The following CSTPP1 variants were observed in gnomAD, a reference collection of about 807,000 sequenced individuals.
CSTPP1 encodes centriolar satellite-associated tubulin polyglutamylase complex regulator 1.
At chr11:47,126,752 C>T in the CSTPP1 span, among the ~76,000 whole-genome samples, 7 of 151,894 alleles carry the variant, frequency 4.6e-5, no homozygotes, top group South Asian at 1.0e-3. Context: ...AGCAATATGG[C>T]GAAACCTTGT....
At chr11:47,000,839 G>C in the CSTPP1 span, among the ~76,000 whole-genome samples, 1 of 152,168 alleles carries the variant, frequency 6.6e-6, no homozygotes, top group Admixed American at 6.5e-5. Context: ...GCTAGGCACT[G>C]TTCTAAGCAT....
the CSTPP1 span, among the ~76,000 whole-genome samples, chr11:47,144,763 C>T: frequency 6.6e-6 from 1 of 152,108 alleles, no homozygotes; most frequent in Non-Finnish European, 1.5e-5. Flanking sequence ...GGAAGCTCTG[C>T]TCCAAGGGTG....
At chr11:47,057,873 C>T in the CSTPP1 span, among the ~76,000 whole-genome samples, 1 of 152,208 alleles carries the variant, frequency 6.6e-6, no homozygotes, top group Non-Finnish European at 1.5e-5. Context: ...CCTCAAAACA[C>T]ACCGGGCACT....
At chr11:46,988,874 TA>T in the CSTPP1 span, among the ~76,000 whole-genome samples, 1 of 152,196 alleles carries the variant, frequency 6.6e-6, no homozygotes, top group East Asian at 1.9e-4. Flanking sequence ...AATTAGAACT[TA>T]AAAAAATTTT....
chr11:47,161,067 A>AATC, the CSTPP1 span: 22 of 1,603,826 alleles, frequency 1.4e-5, no homozygotes, highest in Non-Finnish European at 1.5e-5. Flanking sequence ...GGCATGGAGG[A>AATC]ATCTGTTGCC....
the CSTPP1 span, among the ~76,000 whole-genome samples, chr11:47,077,400 T>C: frequency 1.3e-5 from 2 of 151,956 alleles, no homozygotes; most frequent in African/African-American, 2.4e-5. Flanking sequence ...GGGTTTCACC[T>C]TGTTGGTCGG....
At chr11:46,974,837 A>C in the CSTPP1 span, among the ~76,000 whole-genome samples, 9 of 150,544 alleles carry the variant, frequency 6.0e-5, no homozygotes, top group African/African-American at 2.2e-4. Flanking sequence ...TCTGGGTGAC[A>C]GAGTGAGACT....
chr11:47,137,181 T>TAC, the CSTPP1 span: 1 of 923,694 alleles, frequency 1.1e-6, no homozygotes, highest in Non-Finnish European at 1.5e-6. Flanking sequence ...CTCTTCTCCC[T>TAC]ACACAGCAAG....
chr11:47,133,755 G>A, the CSTPP1 span, among the ~76,000 whole-genome samples: 1 of 152,194 alleles, frequency 6.6e-6, no homozygotes, highest in South Asian at 2.1e-4. Flanking sequence ...TAAGATCAAG[G>A]TGCTGACAGT....
the CSTPP1 span, among the ~76,000 whole-genome samples, chr11:47,127,364 G>A: frequency 6.6e-6 from 1 of 152,230 alleles, no homozygotes; most frequent in African/African-American, 2.4e-5. Context: ...ACTATTAAAA[G>A]TGAGGCAATA....
At chr11:46,948,232 C>T in the CSTPP1 span, 1 of 446,240 alleles carries the variant, frequency 2.2e-6, no homozygotes, top group South Asian at 1.6e-5. Flanking sequence ...GGCTGGCCTC[C>T]TTTCTCTCTG....
the CSTPP1 span, among the ~76,000 whole-genome samples, chr11:47,105,884 A>G: frequency 1.3e-5 from 2 of 152,256 alleles, no homozygotes; most frequent in Non-Finnish European, 2.9e-5. Flanking sequence ...AGTTCCCTGG[A>G]AGTAGAATCA....
At chr11:46,937,883 CGTTTT>C in the CSTPP1 span, among the ~76,000 whole-genome samples, 22 of 151,500 alleles carry the variant, frequency 1.5e-4, no homozygotes, top group African/African-American at 1.7e-4. Flanking sequence ...TTTTTAAAGA[CGTTTT>C]GTTTTGTTTT....
chr11:47,058,413 T>C, the CSTPP1 span, among the ~76,000 whole-genome samples: 1 of 151,884 alleles, frequency 6.6e-6, no homozygotes, highest in African/African-American at 2.4e-5. Context: ...AATTAATCAA[T>C]AGAAACACAG....
the CSTPP1 span, among the ~76,000 whole-genome samples, chr11:46,994,878 A>G: frequency 1.3e-5 from 2 of 152,214 alleles, no homozygotes; most frequent in Non-Finnish European, 2.9e-5. Context: ...TACCTCTGGT[A>G]GAATTCAGCT....
At chr11:47,005,855 TAA>T in the CSTPP1 span, among the ~76,000 whole-genome samples, 1 of 152,214 alleles carries the variant, frequency 6.6e-6, no homozygotes, top group Non-Finnish European at 1.5e-5. Context: ...TAAGATACAA[TAA>T]GTGTTGAATT....
chr11:47,163,703 C>T, the CSTPP1 span, among the ~76,000 whole-genome samples: 6 of 152,062 alleles, frequency 3.9e-5, no homozygotes, highest in Non-Finnish European at 8.8e-5. Flanking sequence ...GGTGCAGTGG[C>T]GCGATCTAGT....
the CSTPP1 span, chr11:47,041,462 T>C: frequency 6.6e-6 from 2 of 301,768 alleles, 1 homozygote. Context: ...GTTGCATGTC[T>C]GTAAGATAAA....
At chr11:47,073,451 TG>T in the CSTPP1 span, among the ~76,000 whole-genome samples, 1 of 152,160 alleles carries the variant, frequency 6.6e-6, no homozygotes, top group Admixed American at 6.5e-5. Context: ...CCGAGCACTT[TG>T]GGGGGCCAGG....
Sources: allele counts gnomAD v4.1 joint callset (sites outside exome capture counted in the v4.1 genomes callset), GRCh38; gene constraint gnomAD v4.1.1; transcripts MANE v1.5; gene names NCBI Gene and HGNC (gene_info 2026-07-23, HGNC 2026-07-21).